Variants in EPB41L2 observed in about 807,000 individuals in gnomAD.
EPB41L2 encodes the protein band 4.1-like protein 2.
Under a neutral mutation model 113.0 loss-of-function variants are expected in EPB41L2, and 43 were observed. The observed-to-expected ratio is 0.38, with a 90% CI of 0.30 to 0.49. EPB41L2 has a LOEUF of 0.49. Ranked by LOEUF, EPB41L2 falls within the 20% of genes least tolerant of loss-of-function variation. The probability of loss-of-function intolerance (pLI) is 0.95; values close to 1 mark genes in which losing one functional copy is unlikely to be tolerated. For synonymous variants in EPB41L2, 442 were observed against 436.7 expected, an observed-to-expected ratio of 1.01 and a Z score of -0.15; for missense variants, 1,147 against 1,223.4, an observed-to-expected ratio of 0.94 and a Z score of 0.93.
intron 4 of EPB41L2, among the ~76,000 whole-genome samples, chr6:130,910,921 T>C (rs1199912378): frequency 6.6e-6 from 1 of 152,200 alleles, no homozygotes; most frequent in Non-Finnish European, 1.5e-5. Flanking sequence ...TTTTACACTG[T>C]TGGTGGGAGT....
chr6:130,870,791 A>G (rs929023255), intron 14 of EPB41L2, among the ~76,000 whole-genome samples: 2 of 151,818 alleles, frequency 1.3e-5, no homozygotes, highest in African/African-American at 4.8e-5. Flanking sequence ...CACCAAGGAG[A>G]TGGCACTTTT....
intron 3 of EPB41L2, among the ~76,000 whole-genome samples, chr6:130,954,773 C>T (rs1816830944): frequency 6.6e-6 from 1 of 152,198 alleles, no homozygotes; most frequent in African/African-American, 2.4e-5. Flanking sequence ...ACTGCTGAAA[C>T]TTCTTTATTC....
intron 4 of EPB41L2, among the ~76,000 whole-genome samples, chr6:130,924,419 C>T (rs1330225455): frequency 6.6e-6 from 1 of 151,540 alleles, no homozygotes; most frequent in Non-Finnish European, 1.5e-5. Context: ...GCTCTTGTTG[C>T]CCAGGCTGGA....
chr6:130,940,324 C>T (rs58646840), intron 3 of EPB41L2, among the ~76,000 whole-genome samples: 11,056 of 152,146 alleles, frequency 0.073, 889 homozygotes, highest in African/African-American at 0.2. Flanking sequence ...TTTATGTCAT[C>T]CTTGATACGC....
chr6:130,954,266 G>C (rs1816629088), intron 3 of EPB41L2, among the ~76,000 whole-genome samples: 1 of 151,666 alleles, frequency 6.6e-6, no homozygotes, highest in Non-Finnish European at 1.5e-5. Flanking sequence ...TGTTAGCCAG[G>C]ATGGTCTGGA....
chr6:130,973,771 C>T (rs1241707620), intron 1 of EPB41L2, among the ~76,000 whole-genome samples: 1 of 152,166 alleles, frequency 6.6e-6, no homozygotes, highest in Non-Finnish European at 1.5e-5. Context: ...TAGATCAAAT[C>T]AATGTTCATC....
chr6:130,875,464 C>A (rs12200530), intron 14 of EPB41L2, among the ~76,000 whole-genome samples: 3 of 151,842 alleles, frequency 2.0e-5, no homozygotes, highest in Non-Finnish European at 2.9e-5. Context: ...TCGTGCTCCC[C>A]CTTGCTCACC....
In EPB41L2 at chr6:130,925,191, T is replaced by TTTC. The variant is rs10694250; in HGVS notation, c.810+1413_810+1414insGAA. The stretch of plus-strand genomic sequence containing the variant: ...TTTCAAAAATATCAGATTTCTTTTC[T>TTTC]TTTTTTTTTTTTTTTGAGACAGAGT... On this transcript the variant is annotated intron_variant, in intron 4 of 19. Coordinates refer to ENST00000337057, the MANE Select transcript of EPB41L2 (RefSeq NM_001431.4). Among the ~76,000 whole-genome samples, 7 of 64,762 alleles carry TTTC rather than the reference T, an allele frequency of 1.1e-4. No homozygotes were observed. The East Asian group carries it at 2.2e-3, about 21-fold the overall frequency. The allele number at this position is 64,762 out of a possible 152,430, so 42.5% of individuals were successfully genotyped here.
At chr6:130,893,541 T>C (rs937611099) in intron 10 of EPB41L2, among the ~76,000 whole-genome samples, 24 of 152,262 alleles carry the variant, frequency 1.6e-4, no homozygotes, top group African/African-American at 5.1e-4. Context: ...AAAAGACAAA[T>C]TGCTTGCCTA....
chr6:131,053,434 TAAAAAAAAAAAAAA>T (rs71030727), intron 1 of EPB41L2, among the ~76,000 whole-genome samples: 2 of 88,906 alleles, frequency 2.2e-5, no homozygotes, highest in African/African-American at 8.5e-5. Context: ...ATGGAAATGA[TAAAAAAAAAAAAAA>T]AAAAAAAAAA....
At chr6:130,937,699 A>G (rs1256647040) in intron 3 of EPB41L2, among the ~76,000 whole-genome samples, 3 of 152,106 alleles carry the variant, frequency 2.0e-5, no homozygotes, top group African/African-American at 7.2e-5. Flanking sequence ...GGTGGCTGTA[A>G]TCCCAGCTAC....
chr6:130,951,312 CTTTTTTTTTT>C lies in EPB41L2; in HGVS notation c.705+3783_705+3792del, dbSNP rs34082234. ...AGAAAAAAGATGCTCAGCCTCAGTA[CTTTTTTTTTT>C]TTTTTTTTTTTTTTTTTTTGAGACA... On this transcript the variant is annotated intron_variant, in intron 3 of 19. Transcript: ENST00000337057. 1.8e-4 allele frequency among the ~76,000 whole-genome samples: 9 copies of C among 50,846 alleles called. No individual in the cohort carries two copies. The East Asian group carries it at 2.1e-3, about 12-fold the overall frequency. The allele number at this position is 50,846 out of a possible 152,430, so 33.4% of individuals were successfully genotyped here.
chr6:130,968,762 T>C (rs1347913136), intron 1 of EPB41L2, among the ~76,000 whole-genome samples: 2 of 151,744 alleles, frequency 1.3e-5, no homozygotes, highest in East Asian at 3.9e-4. Context: ...TAAGTATTTC[T>C]ACTCCGAGGA....
intron 1 of EPB41L2, among the ~76,000 whole-genome samples, chr6:131,044,583 G>C (rs1016973628): frequency 5.3e-5 from 8 of 152,114 alleles, no homozygotes; most frequent in African/African-American, 1.9e-4. Flanking sequence ...TAGCTTGGAA[G>C]ATACCCCGGT....
chr6:130,972,850 T>C (rs931255780), intron 1 of EPB41L2, among the ~76,000 whole-genome samples: 3 of 148,568 alleles, frequency 2.0e-5, no homozygotes, highest in African/African-American at 7.5e-5. Flanking sequence ...TCCCAGCACT[T>C]TGTGAGGCCA....
chr6:130,891,059 T>A (rs546966046), intron 10 of EPB41L2, among the ~76,000 whole-genome samples: 2 of 152,354 alleles, frequency 1.3e-5, no homozygotes, highest in Non-Finnish European at 2.9e-5. Flanking sequence ...TACAAAAGCA[T>A]GTTTTTAGCA....
intron 14 of EPB41L2, among the ~76,000 whole-genome samples, chr6:130,877,477 G>A (rs566279163): frequency 1.1e-4 from 17 of 152,302 alleles, no homozygotes; most frequent in African/African-American, 3.8e-4. Context: ...AAGGCAATAT[G>A]TACTCATATC....
chr6:130,886,231 T>C (rs1190118802), intron 11 of EPB41L2, among the ~76,000 whole-genome samples: 3 of 152,222 alleles, frequency 2.0e-5, no homozygotes, highest in Non-Finnish European at 2.9e-5. Context: ...TGAACTACCA[T>C]ACTGAACTTG....
intron 1 of EPB41L2, among the ~76,000 whole-genome samples, chr6:130,972,606 T>C (rs777601291): frequency 4.0e-5 from 6 of 151,784 alleles, no homozygotes; most frequent in Non-Finnish European, 8.8e-5. Context: ...AGATAGACTA[T>C]AAGTGCACTT....
Sources: allele counts gnomAD v4.1 joint callset (sites outside exome capture counted in the v4.1 genomes callset), GRCh38; gene constraint gnomAD v4.1.1; transcripts MANE v1.5; gene names NCBI Gene and HGNC (gene_info 2026-07-23, HGNC 2026-07-21).